Variants in TRAK1 observed in about 807,000 individuals in gnomAD.
TRAK1 encodes the protein trafficking kinesin protein 1, also known as trafficking kinesin-binding protein 1.
Under a neutral mutation model 92.1 loss-of-function variants are expected in TRAK1, and 33 were observed. The observed-to-expected ratio is 0.36, with a 90% CI of 0.27 to 0.48. The LOEUF (loss-of-function observed/expected upper bound fraction) is 0.48, where lower values mean the gene tolerates loss of function less well. Among genes scored for constraint, TRAK1 ranks in the 20% least tolerant of loss-of-function variants. The probability of loss-of-function intolerance (pLI) is 0.99; values close to 1 mark genes in which losing one functional copy is unlikely to be tolerated. For synonymous variants in TRAK1, 521 were observed against 517.3 expected (o/e 1.01, Z -0.10); for missense variants, 1,123 against 1,257.9 (o/e 0.89, Z 1.62).
At chr3:42,094,412 C>T (rs1225555379) in intron 1 of TRAK1, among the ~76,000 whole-genome samples, 2 of 152,224 alleles carry the variant, frequency 1.3e-5, no homozygotes, top group Non-Finnish European at 2.9e-5. Context: ...CACTCTGTCA[C>T]ATAGGCTGGA....
At chr3:42,102,265 C>T (rs6763434) in intron 1 of TRAK1, among the ~76,000 whole-genome samples, 1,737 of 152,350 alleles carry the variant, frequency 0.011, 37 homozygotes, top group African/African-American at 0.04. Context: ...GGATTATAGG[C>T]GTAAGCCACC....
chr3:42,168,077 A>T (rs550908798), intron 2 of TRAK1, among the ~76,000 whole-genome samples: 13 of 152,338 alleles, frequency 8.5e-5, no homozygotes, highest in Admixed American at 3.3e-4. Context: ...AAGAGTTCAA[A>T]GTCAAATTCT....
At chr3:42,035,569 G>A (rs1394693697) in intron 1 of TRAK1, among the ~76,000 whole-genome samples, 5 of 152,200 alleles carry the variant, frequency 3.3e-5, no homozygotes, top group Non-Finnish European at 7.3e-5. Context: ...GAACCAGTAC[G>A]TTTTCCTGAC....
chr3:42,103,866 G>A (rs1707154426), intron 1 of TRAK1, among the ~76,000 whole-genome samples: 2 of 152,280 alleles, frequency 1.3e-5, no homozygotes, highest in East Asian at 1.9e-4. Flanking sequence ...GGAGCAGGAC[G>A]GGTCATCACC....
chr3:42,099,864 C>A (rs868635751), intron 1 of TRAK1, among the ~76,000 whole-genome samples: 13 of 152,298 alleles, frequency 8.5e-5, no homozygotes, highest in Middle Eastern at 3.4e-3. Context: ...GACTTTGTGA[C>A]AGGGCCTGGA....
At chr3:42,030,806 C>T (rs1485873210) in intron 1 of TRAK1, among the ~76,000 whole-genome samples, 1 of 146,380 alleles carries the variant, frequency 6.8e-6, no homozygotes, top group African/African-American at 2.6e-5. Flanking sequence ...TATTTGAGAA[C>T]TAGGTGGAAG....
upstream of TRAK1, among the ~76,000 whole-genome samples, chr3:42,085,274 T>C (rs1704617322): frequency 6.6e-6 from 1 of 152,166 alleles, no homozygotes. Context: ...TTCAAGTGAT[T>C]CTCCTGCCTC....
chr3:42,098,153 A>C (rs909618959), intron 1 of TRAK1, among the ~76,000 whole-genome samples: 1 of 147,104 alleles, frequency 6.8e-6, no homozygotes, highest in Non-Finnish European at 1.5e-5. Flanking sequence ...CTCTTCCTCC[A>C]TCCCCACTCC....
chr3:42,218,344 T>A, intron 14 of TRAK1: 1 of 985,162 alleles, frequency 1.0e-6, no homozygotes, highest in Non-Finnish European at 1.2e-6. Context: ...GTTCACAGCC[T>A]TTTGAATCTT....
chr3:42,203,390 C>T, intron 13 of TRAK1: 1 of 985,476 alleles, frequency 1.0e-6, no homozygotes, highest in Non-Finnish European at 1.2e-6. Flanking sequence ...CGTAAGCCAC[C>T]CTTTTTCAGG....
intron 1 of TRAK1, among the ~76,000 whole-genome samples, chr3:42,059,018 G>A (rs926924834): frequency 3.3e-5 from 5 of 152,008 alleles, no homozygotes; most frequent in African/African-American, 9.7e-5. Context: ...GTATGCATGC[G>A]TGTATATATT....
intron 1 of TRAK1, among the ~76,000 whole-genome samples, chr3:42,026,487 T>C (rs1701921401): frequency 6.6e-6 from 1 of 151,962 alleles, no homozygotes; most frequent in Non-Finnish European, 1.5e-5. Flanking sequence ...CTGCAGCTGT[T>C]ATCCTGGATC....
At chr3:42,190,652 C>G (rs144669760) in intron 6 of TRAK1, among the ~76,000 whole-genome samples, 239 of 152,318 alleles carry the variant, frequency 1.6e-3, no homozygotes, top group African/African-American at 5.2e-3. Context: ...TGCTACCCCA[C>G]ATCCATTTTC....
intron 2 of TRAK1, chr3:42,160,160 G>A: frequency 7.6e-7 from 1 of 1,312,502 alleles, no homozygotes; most frequent in East Asian, 2.9e-5. Context: ...CCCCTTCCGG[G>A]TCCTGCCCGG....
intron 2 of TRAK1, among the ~76,000 whole-genome samples, chr3:42,161,782 G>A (rs1358991531): frequency 6.6e-6 from 1 of 152,212 alleles, no homozygotes; most frequent in Non-Finnish European, 1.5e-5. Flanking sequence ...GCTGAGGCCT[G>A]CATTCTGGCT....
At chr3:42,209,677 T>A in intron 13 of TRAK1, 90 bp from the exon 14 acceptor site, 1 of 1,344,046 alleles carries the variant, frequency 7.4e-7, no homozygotes, top group Non-Finnish European at 1.0e-6. Flanking sequence ...GCTAAGCACT[T>A]TGAGGGTGGT....
At chr3:42,027,040 G>A (rs1472838348) in intron 1 of TRAK1, among the ~76,000 whole-genome samples, 1 of 152,022 alleles carries the variant, frequency 6.6e-6, no homozygotes, top group Non-Finnish European at 1.5e-5. Context: ...AATGATGCAA[G>A]CTTCATTATA....
At chr3:42,031,638 A>AAG (rs386396453) in intron 1 of TRAK1, among the ~76,000 whole-genome samples, 1 of 151,270 alleles carries the variant, frequency 6.6e-6, no homozygotes, top group African/African-American at 2.4e-5. Flanking sequence ...GTCTCAAAAA[A>AAG]TAGTTTTCTG....
In TRAK1 at chr3:42,223,695, C is replaced by G. The variant is rs751447979; in HGVS notation, c.2820C>G (p.Ile940Met). Reference sequence around the variant, plus strand: ...CTCCTGTGACTCTCACCTCGGGCATCTTGATGGGTGCTAAGCTCTCCAAAC... The same window carrying G: ...CTCCTGTGACTCTCACCTCGGGCATGTTGATGGGTGCTAAGCTCTCCAAAC... ...MKAPVTLTSG[I>M]LMGAKLSKQT... The change falls in exon 16 of 16, where the codon ATC (isoleucine) becomes ATG (methionine). Residue 940 changes from isoleucine (I) to methionine (M), a missense_variant. Ile to Met is a conservative substitution (Grantham distance 10). Coordinates refer to ENST00000327628, the MANE Select transcript of TRAK1 (RefSeq NM_001042646.3). This position sits in a 1 kb window ranked among gnomAD's most constrained non-coding sequence, Gnocchi z 6.1. 1 of 1,613,788 alleles carries G rather than the reference C, an allele frequency of 6.2e-7. No homozygotes were observed. Among genetic ancestry groups the G allele is most frequent in the East Asian group, 2.2e-5 (1 of 44,836 alleles).
Sources: gnomAD v4.1 joint callset for allele counts (sites outside exome capture counted in the v4.1 genomes callset) on GRCh38, gnomAD v4.1.1 for gene constraint, Gnocchi (gnomAD v3.1) non-coding constraint, MANE v1.5 for transcripts, NCBI Gene and HGNC (gene_info 2026-07-23, HGNC 2026-07-21) for gene names.